KCNJ15: variants seen among roughly 807,000 people sequenced by gnomAD.
The protein encoded by KCNJ15 is ATP-sensitive inward rectifier potassium channel 15.
A neutral mutation model predicts 23.0 loss-of-function variants in KCNJ15; 14 were observed. The observed-to-expected ratio is 0.61, with a 90% CI of 0.40 to 0.95. The LOEUF is 0.95. Among genes scored for constraint, KCNJ15 ranks in the 40% least tolerant of loss-of-function variants. The pLI, the probability that KCNJ15 is intolerant of heterozygous loss-of-function variation, is 0.00. For missense variants in KCNJ15, 388 were observed against 461.8 expected, an observed-to-expected ratio of 0.84 and a Z score of 1.46; for synonymous variants, 185 against 183.2, an observed-to-expected ratio of 1.01 and a Z score of -0.08.
At chr21:38,290,418 G>A (rs541675920) in intron 1 of KCNJ15, among the ~76,000 whole-genome samples, 1 of 152,226 alleles carries the variant, frequency 6.6e-6, no homozygotes, top group Non-Finnish European at 1.5e-5. Context: ...TAGGAAAAAA[G>A]CTACATATCT....
At chr21:38,279,284 T>C (rs1457114539) in intron 1 of KCNJ15, among the ~76,000 whole-genome samples, 2 of 152,158 alleles carry the variant, frequency 1.3e-5, no homozygotes, top group Non-Finnish European at 2.9e-5. Context: ...ACTGTTGTTC[T>C]GGCAGTCTTG....
intron 1 of KCNJ15, among the ~76,000 whole-genome samples, chr21:38,296,055 T>TGA (rs1401143094): frequency 6.6e-6 from 1 of 152,070 alleles, no homozygotes; most frequent in East Asian, 1.9e-4. Context: ...TGTGTGTGTG[T>TGA]GAGAGACATA....
In KCNJ15 at chr21:38,299,562, A is replaced by G; in HGVS notation, c.301A>G (p.Ile101Val). 2 of 1,614,038 alleles carry G rather than the reference A, an allele frequency of 1.2e-6. No homozygotes were observed. The highest frequency in any genetic ancestry group is 1.7e-6 in the Non-Finnish European group (2 of 1,180,014). ...IHGDLEPGEP[I>V]SNHTPCIMKV... ...TGGGGACTTAGAACCCGGTGAGCCC[A>G]TTTCAAATCATACCCCCTGCATCAT... The change falls in exon 3 of 3, where the codon ATT (isoleucine) becomes GTT (valine). Residue 101 changes from isoleucine to valine, a missense_variant. Transcript: ENST00000398938. The surrounding 1 kb of genome is among the most constrained non-coding windows in gnomAD (Gnocchi z 4.5).
chr21:38,272,230 A>G (rs1982174201), intron 1 of KCNJ15: 1 of 152,214 alleles, frequency 6.6e-6, no homozygotes, highest in African/African-American at 2.4e-5. Flanking sequence ...AGATATAAAT[A>G]CCTTAATGAT....
At chr21:38,235,234 C>T (rs1387074855) in intron 1 of KCNJ15, among the ~76,000 whole-genome samples, 1 of 151,958 alleles carries the variant, frequency 6.6e-6, no homozygotes, top group Non-Finnish European at 1.5e-5. Flanking sequence ...TGAGATTTAA[C>T]TAAATTTCTT....
At position 38,305,225 on chromosome 21, in the gene KCNJ15, T is replaced by C. The variant is rs1229257902; in HGVS notation, c.*4836T>C. ...TCTTTTCAACATCATACATGCTTGG[T>C]TGACTGTTTCTTCATATTTGCTGTT... On this transcript the variant is annotated 3_prime_UTR_variant, in exon 3 of 3. Transcript: ENST00000398938. 6.6e-6 allele frequency: 1 copy of C among 152,168 alleles called. No individual in the cohort carries two copies. The highest frequency in any genetic ancestry group is 1.5e-5 in the Non-Finnish European group (1 of 68,036). The allele number at this position is 152,168 out of a possible 1,614,324, so 9.4% of individuals were successfully genotyped here. A position where few individuals can be genotyped will look rare whatever the true frequency, so the allele number is the denominator to read the frequency against.
At chr21:38,245,224 G>A (rs1979286376) in intron 1 of KCNJ15, among the ~76,000 whole-genome samples, 1 of 152,010 alleles carries the variant, frequency 6.6e-6, no homozygotes, top group African/African-American at 2.4e-5. Context: ...AGTCCTCTCT[G>A]TGTGGCCATA....
intron 1 of KCNJ15, among the ~76,000 whole-genome samples, chr21:38,274,674 T>C (rs1432466130): frequency 6.6e-6 from 1 of 152,214 alleles, no homozygotes; most frequent in Non-Finnish European, 1.5e-5. Flanking sequence ...ATAACATCAG[T>C]ACTTCTTTGT....
At chr21:38,251,531 T>G (rs988297301) in intron 1 of KCNJ15, among the ~76,000 whole-genome samples, 1 of 152,240 alleles carries the variant, frequency 6.6e-6, no homozygotes, top group Admixed American at 6.5e-5. Context: ...GGGCACTTCA[T>G]GCACCCAACT....
upstream of KCNJ15, among the ~76,000 whole-genome samples, chr21:38,252,434 A>G (rs1979903250): frequency 6.6e-6 from 1 of 152,098 alleles, no homozygotes; most frequent in African/African-American, 2.4e-5. Context: ...GCTGAACTAT[A>G]ATTTACTCCA....
At position 38,281,830 on chromosome 21, in the gene KCNJ15, T is replaced by G. The variant is rs555942722; in HGVS notation, c.-116-15096T>G. 1.3e-3 allele frequency among the ~76,000 whole-genome samples: 204 copies of G among 152,302 alleles called. 1 individual carries two copies. Among genetic ancestry groups the G allele is most frequent in the South Asian group, 2.9e-3 (14 of 4,832 alleles). On this transcript the variant is annotated intron_variant, in intron 1 of 2. Transcript: ENST00000398938. ...CAAATGACAGCTCTGTTTTAAGTTC[T>G]TTTAGAAATCTCCAGACTGCTTTCC...
At chr21:38,279,028 A>G (rs1983042599) in intron 1 of KCNJ15, among the ~76,000 whole-genome samples, 1 of 152,202 alleles carries the variant, frequency 6.6e-6, no homozygotes. Flanking sequence ...AAGTATGTGG[A>G]TCTAAACCAA....
intron 1 of KCNJ15, among the ~76,000 whole-genome samples, chr21:38,264,388 G>A (rs1180387544): frequency 6.6e-6 from 1 of 152,206 alleles, no homozygotes; most frequent in Non-Finnish European, 1.5e-5. Flanking sequence ...CCCCATTCCC[G>A]GAGATAGCTG....
intron 1 of KCNJ15, among the ~76,000 whole-genome samples, chr21:38,275,021 T>C (rs990383978): frequency 7.9e-5 from 12 of 152,074 alleles, no homozygotes; most frequent in African/African-American, 2.9e-4. Context: ...AACACCACCA[T>C]GTCACCTCAA....
intron 1 of KCNJ15, among the ~76,000 whole-genome samples, chr21:38,271,291 C>A (rs577993297): frequency 5.3e-5 from 8 of 152,318 alleles, no homozygotes; most frequent in African/African-American, 1.9e-4. Flanking sequence ...AAAACTGAAG[C>A]TCGGAGGGGC....
chr21:38,250,006 C>A (rs1979716544), intron 1 of KCNJ15, among the ~76,000 whole-genome samples: 1 of 152,202 alleles, frequency 6.6e-6, no homozygotes, highest in African/African-American at 2.4e-5. Flanking sequence ...CACCCTCTTT[C>A]TATACTCCTG....
intron 1 of KCNJ15, among the ~76,000 whole-genome samples, chr21:38,295,857 A>G (rs1002297657): frequency 6.6e-6 from 1 of 152,236 alleles, no homozygotes; most frequent in Non-Finnish European, 1.5e-5. Context: ...ATTGATGGGC[A>G]CAAAGAAGAT....
rs1404957540 is a variant in KCNJ15 at position 38,303,323 on chromosome 21, G to T, written c.*2934G>T. 6.6e-6 allele frequency: 1 copy of T among 151,694 alleles called. No individual in the cohort carries two copies. The highest frequency in any genetic ancestry group is 1.9e-4 in the East Asian group (1 of 5,130). 9.4% of individuals were successfully genotyped at this position (151,694 alleles called of 1,614,324 possible). A position where few individuals can be genotyped will look rare whatever the true frequency, so the allele number is the denominator to read the frequency against. ...AGTGGAGTATTCCTGACCCAAAAAG[G>T]CTTTTGAATTTTGAAACATTTCTAA... On this transcript the variant is annotated 3_prime_UTR_variant, in exon 3 of 3. Coordinates refer to ENST00000398938, the MANE Select transcript of KCNJ15 (RefSeq NM_170736.3).
chr21:38,250,528 T>C (rs1162475431), intron 1 of KCNJ15, among the ~76,000 whole-genome samples: 1 of 152,182 alleles, frequency 6.6e-6, no homozygotes, highest in Non-Finnish European at 1.5e-5. Flanking sequence ...GGAATTGAAA[T>C]GTCATAGCAA....
Sources: gnomAD v4.1 joint callset for allele counts (sites outside exome capture counted in the v4.1 genomes callset) on GRCh38, gnomAD v4.1.1 for gene constraint, Gnocchi (gnomAD v3.1) non-coding constraint, MANE v1.5 for transcripts, NCBI Gene and HGNC (gene_info 2026-07-23, HGNC 2026-07-21) for gene names.